Variants in CPSF4 observed in about 807,000 individuals in gnomAD.
The protein encoded by CPSF4 is cleavage and polyadenylation specificity factor subunit 4.
Under a neutral mutation model 37.7 loss-of-function variants are expected in CPSF4, and 11 were observed. That is an observed-to-expected ratio of 0.29 (90% CI 0.18 to 0.48). The LOEUF is 0.48. CPSF4 is among the 20% of genes least tolerant of loss of function. The pLI is 0.99. For missense variants in CPSF4, 144 were observed against 359.5 expected (o/e 0.40, Z 4.85); for synonymous variants, 132 against 135.9 (o/e 0.97, Z 0.20).
Position 99,451,471 on chromosome 7 carries a change from G to A in CPSF4, c.497+676G>A, listed in dbSNP as rs192622406. Reference sequence around the variant, plus strand: ...AATACAAAAATTAGCCAGGTGTAGCGGCGCGTGCCTGTAGTCCCAGCTACT... The same window carrying A: ...AATACAAAAATTAGCCAGGTGTAGCAGCGCGTGCCTGTAGTCCCAGCTACT... On this transcript the variant is annotated intron_variant, in intron 5 of 7. Transcript: ENST00000292476. Among the ~76,000 whole-genome samples the A allele has an allele frequency of 8.1e-4, 124 of 152,218 alleles. 5 individuals are homozygous for A. Among genetic ancestry groups the A allele is most frequent in the South Asian group, 3.9e-3 (19 of 4,824 alleles).
At chr7:99,445,046 G>A (rs961755642) in intron 2 of CPSF4, among the ~76,000 whole-genome samples, 2 of 152,198 alleles carry the variant, frequency 1.3e-5, no homozygotes, top group East Asian at 1.9e-4. Context: ...TGGCTCTAAG[G>A]CTGCCTTATC....
intron 7 of CPSF4, 27 bp downstream of exon 7, chr7:99,454,163 TG>T: frequency 6.3e-7 from 1 of 1,599,038 alleles, no homozygotes; most frequent in East Asian, 2.2e-5. Flanking sequence ...GGGGACAGGG[TG>T]GGGTCTTCCC....
At position 99,448,055 on chromosome 7, in the gene CPSF4, T is replaced by TCAGGCCGTGTCCCC. The variant is rs1423432310; in HGVS notation, c.155-60_155-47dup. ...AGGAAGTGAAGGTACCTCAGCTTCTTCAGGCCGTGTCCCCCAGGCTCAGGG... is the reference window on the plus strand; with the variant it reads ...AGGAAGTGAAGGTACCTCAGCTTCTTCAGGCCGTGTCCCCCAGGCCGTGTCCCCCAGGCTCAGGG... On this transcript the variant is annotated intron_variant, in intron 2 of 7. Transcript: ENST00000292476. This position sits in a 1 kb window ranked among gnomAD's most constrained non-coding sequence, Gnocchi z 4.4. 1.3e-6 allele frequency: 2 copies of TCAGGCCGTGTCCCC among 1,557,618 alleles called. No homozygotes were observed. The highest frequency in any genetic ancestry group is 2.7e-5 in the African/African-American group (2 of 73,774).
intron 3 of CPSF4, among the ~76,000 whole-genome samples, chr7:99,449,915 T>C (rs772921492): frequency 2.6e-5 from 4 of 152,102 alleles, no homozygotes; most frequent in African/African-American, 4.8e-5. Flanking sequence ...TGAGCACAGT[T>C]GTAAACATGG....
At chr7:99,446,771 CTTTTTTTTTTTTT>C (rs762892785) in intron 2 of CPSF4, among the ~76,000 whole-genome samples, 31 of 29,126 alleles carry the variant, frequency 1.1e-3, no homozygotes, top group African/African-American at 4.3e-3. Context: ...CCATACCCAG[CTTTTTTTTTTTTT>C]TTTTTTTTTT....
chr7:99,441,203 G>A (rs563766166), intron 1 of CPSF4, among the ~76,000 whole-genome samples: 15 of 151,852 alleles, frequency 9.9e-5, no homozygotes, highest in African/African-American at 2.7e-4. Flanking sequence ...CACCTGCCTC[G>A]GCCTCCCAAA....
At chr7:99,452,822 A>C (rs1798030361) in intron 6 of CPSF4, 1 of 196,730 alleles carries the variant, frequency 5.1e-6, no homozygotes, top group Non-Finnish European at 1.1e-5. Context: ...GCAAATAGGG[A>C]AACCGAGACT....
intron 5 of CPSF4, among the ~76,000 whole-genome samples, chr7:99,452,012 C>T (rs957887806): frequency 2.0e-5 from 3 of 152,184 alleles, no homozygotes; most frequent in African/African-American, 4.8e-5. Context: ...TAAGACCCTG[C>T]GGGGAGGGGG....
At chr7:99,446,403 G>T (rs1306928210) in intron 2 of CPSF4, among the ~76,000 whole-genome samples, 4 of 152,116 alleles carry the variant, frequency 2.6e-5, no homozygotes, top group South Asian at 2.1e-4. Context: ...GTCACATGGG[G>T]CTAGCAGCTG....
chr7:99,439,512 T>G, intron 1 of CPSF4: 1 of 277,824 alleles, frequency 3.6e-6, no homozygotes, highest in Non-Finnish European at 6.8e-6. Flanking sequence ...GGCCCCCATT[T>G]CCACCGTCTG....
chr7:99,441,418 C>A, intron 1 of CPSF4: 1 of 456,302 alleles, frequency 2.2e-6, no homozygotes, highest in Non-Finnish European at 4.4e-6. Flanking sequence ...ACACACCTAG[C>A]CATGGGTGTT....
intron 1 of CPSF4, among the ~76,000 whole-genome samples, chr7:99,440,738 T>C (rs1584480863): frequency 1.4e-5 from 2 of 145,380 alleles, no homozygotes; most frequent in South Asian, 4.3e-4. Flanking sequence ...CTGTACAAGA[T>C]AGTTTCATTG....
intron 2 of CPSF4, among the ~76,000 whole-genome samples, chr7:99,447,114 C>CTTAT (rs1365999977): frequency 6.6e-6 from 1 of 151,294 alleles, no homozygotes; most frequent in Non-Finnish European, 1.5e-5. Context: ...GGCTGGCTTA[C>CTTAT]TTACTTACTT....
chr7:99,449,177 A>G (rs1797766190), intron 3 of CPSF4: 1 of 152,328 alleles, frequency 6.6e-6, no homozygotes, highest in African/African-American at 2.4e-5. Context: ...GGTATGCTTC[A>G]TGCTTTCAAA....
At chr7:99,440,152 G>C (rs1796761547) in intron 1 of CPSF4, among the ~76,000 whole-genome samples, 1 of 152,170 alleles carries the variant, frequency 6.6e-6, no homozygotes, top group Non-Finnish European at 1.5e-5. Context: ...GGGAAACTGA[G>C]ACCCAAGCGG....
At chr7:99,447,990 C>T in intron 2 of CPSF4, 131 bp from the exon 3 acceptor site, 1 of 793,232 alleles carries the variant, frequency 1.3e-6, no homozygotes, top group Non-Finnish European at 2.0e-6. Flanking sequence ...GACCTCTGCC[C>T]CTTTCCAGGA....
chr7:99,448,363 C>A lies in CPSF4; in HGVS notation c.307+90C>A. The A allele has an allele frequency of 7.3e-7, 1 of 1,360,736 alleles. No homozygotes were observed. The highest frequency in any genetic ancestry group is 2.4e-5 in the Admixed American group (1 of 41,464). 84.3% of individuals were successfully genotyped at this position (1,360,736 alleles called of 1,614,324 possible). ...TCAGTGCCCACACTGTCTCTGCCTG[C>A]TTTTCCCATCTTTCTATTCTCAGAG... On this transcript the variant is annotated intron_variant, in intron 3 of 7. Transcript: ENST00000292476. This position sits in a 1 kb window ranked among gnomAD's most constrained non-coding sequence, Gnocchi z 4.4.
chr7:99,445,277 C>A lies in CPSF4; in HGVS notation c.154+438C>A, dbSNP rs79212059. Among the ~76,000 whole-genome samples the A allele has an allele frequency of 1.1e-3, 168 of 152,168 alleles. 3 individuals are homozygous for A. In the East Asian group the frequency reaches 0.026, roughly 24 times the overall value. The stretch of plus-strand genomic sequence containing the variant: ...AACCCATCTTGCGGGGTCTTGTTCT[C>A]GATAACCAGCCCTCAACACAGACTA... On this transcript the variant is annotated intron_variant, in intron 2 of 7. Coordinates refer to ENST00000292476, the MANE Select transcript of CPSF4 (RefSeq NM_006693.4).
At chr7:99,443,628 T>C (rs535098894) in intron 1 of CPSF4, 34 of 498,636 alleles carry the variant, frequency 6.8e-5, no homozygotes, top group African/African-American at 5.6e-4. Flanking sequence ...CCTGTAATAA[T>C]TGTATGTGGG....
Sources: gnomAD v4.1 joint callset for allele counts (sites outside exome capture counted in the v4.1 genomes callset) on GRCh38, gnomAD v4.1.1 for gene constraint, Gnocchi (gnomAD v3.1) non-coding constraint, MANE v1.5 for transcripts, NCBI Gene and HGNC (gene_info 2026-07-23, HGNC 2026-07-21) for gene names.